TLCD3B: variants seen among roughly 807,000 people sequenced by gnomAD.
The protein encoded by TLCD3B is TLC domain containing 3B, also known as ceramide synthase.
A neutral mutation model predicts 23.0 loss-of-function variants in TLCD3B; 9 were observed. The ratio of observed to expected loss-of-function variants is 0.39; its 90% CI spans 0.24 to 0.68. The LOEUF (loss-of-function observed/expected upper bound fraction) is 0.68, where lower values mean the gene tolerates loss of function less well. TLCD3B is among the 30% of genes least tolerant of loss of function. The probability of loss-of-function intolerance (pLI) is 0.44; values close to 1 mark genes in which losing one functional copy is unlikely to be tolerated. For synonymous variants in TLCD3B, 161 were observed against 161.0 expected, an observed-to-expected ratio of 1.00 and a Z score of 0.00; for missense variants, 307 against 371.8, an observed-to-expected ratio of 0.83 and a Z score of 1.43.
chr16:30,050,355 A>G (rs2071731597), intron 1 of TLCD3B, among the ~76,000 whole-genome samples: 1 of 152,160 alleles, frequency 6.6e-6, no homozygotes, highest in South Asian at 2.1e-4. Context: ...CCTGAGCAAT[A>G]CAGTGAGACC....
rs559850489 is a variant in TLCD3B, at chr16:30,049,937, A to G, written c.-294+2837T>C. 1.4e-3 allele frequency among the ~76,000 whole-genome samples: 207 copies of G among 151,864 alleles called. 2 individuals are homozygous for G. The highest frequency in any genetic ancestry group is 2.2e-3 in the Non-Finnish European group (152 of 67,928). On this transcript the variant is annotated intron_variant, in intron 1 of 6. Transcript: ENST00000561666. ...AGACTCCATCTCAAAAAAAAAAAAA[A>G]AGAGAAAGAAAAGAAATGGGGCCTT...
At chr16:30,039,955 G>A (rs1045285325) in intron 3 of TLCD3B, among the ~76,000 whole-genome samples, 49 of 151,638 alleles carry the variant, frequency 3.2e-4, no homozygotes, top group Admixed American at 1.1e-3. Context: ...CCAACATGGC[G>A]AAACCCCATC....
chr16:30,025,814 C>T lies in TLCD3B; in HGVS notation c.452G>A (p.Arg151Gln). ...CAGAAAGAAGTCTCCCTTACCCTGT[C>T]GCCACACCTGGGCACAGAGGCAGGA... ...LVCFPLSVVW[R>Q]QGKGDFFLGC... The change falls in exon 4 of 5, where the codon CGA (arginine) becomes CAA (glutamine). Residue 151 changes from arginine to glutamine, a missense_variant. Physicochemically the swap from Arg to Gln is conservative, Grantham distance 43. Transcript: ENST00000380495. This position sits in a 1 kb window ranked among gnomAD's most constrained non-coding sequence, Gnocchi z 4.1. 1 of 1,613,704 alleles carries T rather than the reference C, an allele frequency of 6.2e-7. No individual in the cohort carries two copies. The highest frequency in any genetic ancestry group is 8.5e-7 in the Non-Finnish European group (1 of 1,179,802).
intron 2 of TLCD3B, among the ~76,000 whole-genome samples, chr16:30,042,871 G>T (rs980142409): frequency 7.2e-5 from 11 of 152,010 alleles, no homozygotes; most frequent in African/African-American, 2.7e-4. Flanking sequence ...GGCCGAGGTG[G>T]GTGGATCATG....
chr16:30,040,143 A>ATATATATATAT (rs1352468328), intron 3 of TLCD3B, among the ~76,000 whole-genome samples: 3 of 103,590 alleles, frequency 2.9e-5, no homozygotes, highest in African/African-American at 1.1e-4. Context: ...CAAAAAAAAA[A>ATATATATATAT]AAAAATATAT....
intron 3 of TLCD3B, chr16:30,036,272 G>A (rs912408745): frequency 7.8e-7 from 1 of 1,288,840 alleles, no homozygotes; most frequent in Admixed American, 2.3e-5. Flanking sequence ...AATGACATTT[G>A]TTGAAAAAAC....
At chr16:30,035,509 G>A, upstream of TLCD3B, 1 of 1,289,184 alleles carries the variant, frequency 7.8e-7, no homozygotes, top group Non-Finnish European at 1.0e-6. Flanking sequence ...GAAAAAGACG[G>A]CCATGAGAAC....
upstream of TLCD3B, among the ~76,000 whole-genome samples, chr16:30,032,363 C>T (rs1298790690): frequency 6.6e-6 from 1 of 152,192 alleles, no homozygotes; most frequent in Non-Finnish European, 1.5e-5. Flanking sequence ...CCACTCCTCG[C>T]CTCCCCCAAA....
upstream of TLCD3B, among the ~76,000 whole-genome samples, chr16:30,034,410 C>CAAAAAAAAAA (rs34825633): frequency 8.6e-6 from 1 of 116,052 alleles, no homozygotes; most frequent in Non-Finnish European, 1.7e-5. Flanking sequence ...CTGTCTCTAC[C>CAAAAAAAAAA]AAAAAAAAAA....
upstream of TLCD3B, among the ~76,000 whole-genome samples, chr16:30,034,450 C>T (rs1385753714): frequency 6.7e-6 from 1 of 149,336 alleles, no homozygotes; most frequent in Non-Finnish European, 1.5e-5. Flanking sequence ...CTTGGTGGTG[C>T]ATTGCCTGTA....
intron 2 of TLCD3B, among the ~76,000 whole-genome samples, chr16:30,044,656 C>A (rs1336451989): frequency 6.6e-6 from 1 of 152,116 alleles, no homozygotes; most frequent in Non-Finnish European, 1.5e-5. Flanking sequence ...AAATAGAAAA[C>A]CAGTACCACC....
At chr16:30,042,230 A>ATTTAT (rs552776661) in intron 2 of TLCD3B, among the ~76,000 whole-genome samples, 3 of 151,498 alleles carry the variant, frequency 2.0e-5, no homozygotes, top group Non-Finnish European at 4.4e-5. Context: ...TTATTTACTT[A>ATTTAT]TTTATTTTAT....
upstream of TLCD3B, chr16:30,036,192 A>C (rs1372349402): frequency 7.8e-7 from 1 of 1,288,928 alleles, no homozygotes; most frequent in South Asian, 1.2e-5. Flanking sequence ...AGGGAGGTTG[A>C]TGTTTCTCCT....
rs765398829 is a variant in TLCD3B at position 30,025,440 on chromosome 16, T to C, written c.568A>G (p.Lys190Glu). The change falls in exon 5 of 5, where the codon AAG (lysine) becomes GAG (glutamate). Residue 190 changes from lysine (K) to glutamate (E), a missense_variant. Lys to Glu is a moderately conservative substitution (Grantham distance 56, BLOSUM62 1). Transcript: ENST00000380495. This position sits in a 1 kb window ranked among gnomAD's most constrained non-coding sequence, Gnocchi z 4.1. ...QYKQQHTLLH[K>E]VNGALMLLSF... The stretch of plus-strand genomic sequence containing the variant: ...AGCAGCATCAGGGCCCCGTTCACCT[T>C]GTGCAGCAGTGTGTGCTGCTGCTTG... 2 of 1,612,476 alleles carry C rather than the reference T, an allele frequency of 1.2e-6. No individual in the cohort carries two copies. The highest frequency in any genetic ancestry group is 2.2e-5 in the East Asian group (1 of 44,868).
upstream of TLCD3B, chr16:30,035,314 G>A (rs2071446414): frequency 7.8e-7 from 1 of 1,287,296 alleles, no homozygotes. Context: ...CACCAGCCAT[G>A]GCCCCAGGAA....
chr16:30,029,522 G>A lies in TLCD3B; in HGVS notation c.126-7C>T. On this transcript the variant is annotated splice_region_variant and splice_polypyrimidine_tract_variant and intron_variant, in intron 1 of 4. Transcript: ENST00000380495. This position sits in a 1 kb window ranked among gnomAD's most constrained non-coding sequence, Gnocchi z 4.6. The stretch of plus-strand genomic sequence containing the variant: ...CTGGACAGAGGACACCAGCCTGGGG[G>A]AGAGAGGGAGGCGTGCTAGAAAGGC... 6.2e-7 allele frequency: 1 copy of A among 1,612,432 alleles called. No homozygotes were observed. The highest frequency in any genetic ancestry group is 8.5e-7 in the Non-Finnish European group (1 of 1,178,770).
intron 3 of TLCD3B, among the ~76,000 whole-genome samples, chr16:30,037,450 G>A (rs1203270119): frequency 6.6e-6 from 1 of 151,800 alleles, no homozygotes; most frequent in Non-Finnish European, 1.5e-5. Context: ...GGCTGAGGCA[G>A]GAGAATGGCG....
At chr16:30,036,531 G>T in intron 3 of TLCD3B, 1 of 720,954 alleles carries the variant, frequency 1.4e-6, no homozygotes, top group Non-Finnish European at 1.9e-6. Context: ...GTGTCAAACT[G>T]CAAAGGCACG....
intron 3 of TLCD3B, chr16:30,036,389 A>T: frequency 7.8e-7 from 1 of 1,286,654 alleles, no homozygotes; most frequent in Non-Finnish European, 1.0e-6. Context: ...TTTTGTTTAG[A>T]AAGACCTCCC....
Sources: gnomAD v4.1 joint callset for allele counts (sites outside exome capture counted in the v4.1 genomes callset) on GRCh38, gnomAD v4.1.1 for gene constraint, Gnocchi (gnomAD v3.1) non-coding constraint, MANE v1.5 for transcripts, NCBI Gene and HGNC (gene_info 2026-07-23, HGNC 2026-07-21) for gene names.